Variants in MARCHF1 observed in about 807,000 individuals in gnomAD.
MARCHF1 encodes the protein E3 ubiquitin-protein ligase MARCHF1.
Under a neutral mutation model 54.2 loss-of-function variants are expected in MARCHF1, and 40 were observed. The observed-to-expected ratio is 0.74, with a 90% CI of 0.57 to 0.96. MARCHF1 has a LOEUF of 0.96. MARCHF1 is among the 40% of genes least tolerant of loss of function. The probability of loss-of-function intolerance (pLI) is 0.00; values close to 1 mark genes in which losing one functional copy is unlikely to be tolerated. For missense variants in MARCHF1, 586 were observed against 656.5 expected (o/e 0.89, Z 1.17); for synonymous variants, 236 against 236.3 (o/e 1.00, Z 0.01).
chr4:164,116,772 T>C (rs2110753765), intron 1 of MARCHF1, among the ~76,000 whole-genome samples: 2 of 152,070 alleles, frequency 1.3e-5, no homozygotes, highest in Middle Eastern at 6.8e-3. Flanking sequence ...AACAAATGTG[T>C]GTGTGTGTAT....
chr4:163,931,815 T>G (rs940350307), intron 3 of MARCHF1, among the ~76,000 whole-genome samples: 1 of 152,182 alleles, frequency 6.6e-6, no homozygotes, highest in Non-Finnish European at 1.5e-5. Context: ...AACCTCTCCC[T>G]CAGTCTACAG....
At chr4:164,241,317 C>T (rs1478965375) in intron 1 of MARCHF1, among the ~76,000 whole-genome samples, 1 of 152,180 alleles carries the variant, frequency 6.6e-6, no homozygotes, top group African/African-American at 2.4e-5. Flanking sequence ...TACCTCCAGT[C>T]CTTCCACTCA....
intron 1 of MARCHF1, among the ~76,000 whole-genome samples, chr4:164,230,144 C>A (rs1465401480): frequency 6.6e-6 from 1 of 151,996 alleles, no homozygotes; most frequent in Non-Finnish European, 1.5e-5. Context: ...GCCTGTAATC[C>A]CAGCACTTTG....
intron 4 of MARCHF1, among the ~76,000 whole-genome samples, chr4:163,789,417 G>A (rs1747710133): frequency 6.6e-6 from 1 of 151,762 alleles, no homozygotes; most frequent in Admixed American, 6.6e-5. Context: ...TTAATACCTT[G>A]GGATGAAATA....
At chr4:164,043,153 A>C (rs767602319) in intron 2 of MARCHF1, among the ~76,000 whole-genome samples, 31 of 152,156 alleles carry the variant, frequency 2.0e-4, no homozygotes, top group Admixed American at 1.3e-4. Flanking sequence ...TCAAACCTTG[A>C]GTAGACAGTG....
At chr4:163,904,791 A>C (rs7435408) in intron 3 of MARCHF1, among the ~76,000 whole-genome samples, 50 of 12,750 alleles carry the variant, frequency 3.9e-3, no homozygotes, top group Non-Finnish European at 0.013. Flanking sequence ...CAGAGAGAGA[A>C]AGAGAGAGAG....
chr4:163,866,294 T>C (rs1750045688), intron 3 of MARCHF1, among the ~76,000 whole-genome samples: 1 of 151,092 alleles, frequency 6.6e-6, no homozygotes, highest in Non-Finnish European at 1.5e-5. Flanking sequence ...CTCAGATAAA[T>C]ATATTTCTAA....
intron 4 of MARCHF1, among the ~76,000 whole-genome samples, chr4:163,799,880 C>A (rs1310979348): frequency 1.3e-5 from 2 of 152,026 alleles, no homozygotes; most frequent in African/African-American, 4.8e-5. Flanking sequence ...AACATGAAAT[C>A]AACCTAGCTG....
chr4:164,148,204 G>A (rs6822628), intron 1 of MARCHF1, among the ~76,000 whole-genome samples: 28,931 of 151,222 alleles, frequency 0.19, 4,395 homozygotes, highest in African/African-American at 0.41. Flanking sequence ...TGTAACAGAG[G>A]ACGAAAAAGA....
At chr4:163,867,800 C>A (rs574744672) in intron 3 of MARCHF1, among the ~76,000 whole-genome samples, 1 of 141,920 alleles carries the variant, frequency 7.0e-6, no homozygotes, top group South Asian at 2.3e-4. Context: ...GCTATATCAA[C>A]TTTCATCAAT....
chr4:164,189,799 T>A (rs1279681201), intron 1 of MARCHF1: 1 of 1,574,932 alleles, frequency 6.3e-7, no homozygotes, highest in Non-Finnish European at 8.7e-7. Context: ...ACAAAAGACA[T>A]TCATCTTCTG....
At chr4:163,730,725 G>A (rs1395927442) in intron 4 of MARCHF1, among the ~76,000 whole-genome samples, 1 of 152,030 alleles carries the variant, frequency 6.6e-6, no homozygotes, top group East Asian at 1.9e-4. Flanking sequence ...TGATCAGCCT[G>A]AAGAGTAAGC....
intron 4 of MARCHF1, among the ~76,000 whole-genome samples, chr4:163,742,724 C>A (rs1208836813): frequency 6.6e-6 from 1 of 152,056 alleles, no homozygotes; most frequent in African/African-American, 2.4e-5. Context: ...ATGATCCTCC[C>A]ACCCGGACCT....
At chr4:163,916,833 GAACA>G (rs1751318463) in intron 3 of MARCHF1, among the ~76,000 whole-genome samples, 1 of 152,030 alleles carries the variant, frequency 6.6e-6, no homozygotes, top group African/African-American at 2.4e-5. Flanking sequence ...TACAATTGAT[GAACA>G]AACACTGACA....
chr4:164,055,443 CAAA>C (rs55924377), intron 2 of MARCHF1, among the ~76,000 whole-genome samples: 11,686 of 138,938 alleles, frequency 0.084, 641 homozygotes, highest in East Asian at 0.21. Flanking sequence ...CACCCTGTCT[CAAA>C]AAAAAAAAAA....
intron 4 of MARCHF1, among the ~76,000 whole-genome samples, chr4:163,813,097 CA>C (rs1324371459): frequency 1.3e-5 from 2 of 152,142 alleles, no homozygotes; most frequent in Admixed American, 1.3e-4. Flanking sequence ...CATGACTGGT[CA>C]TTGGTGAATT....
intron 2 of MARCHF1, among the ~76,000 whole-genome samples, chr4:164,073,226 CA>C (rs1754906866): frequency 6.6e-6 from 1 of 152,062 alleles, no homozygotes. Flanking sequence ...TTCGCAATAG[CA>C]AAGACTTAGA....
intron 1 of MARCHF1, among the ~76,000 whole-genome samples, chr4:164,256,889 T>C (rs1560976547): frequency 1.3e-5 from 2 of 152,180 alleles, no homozygotes; most frequent in Non-Finnish European, 2.9e-5. Flanking sequence ...ATTAATTCTA[T>C]TTCCAAGAGT....
intron 1 of MARCHF1, among the ~76,000 whole-genome samples, chr4:164,276,874 T>TAC (rs1398097149): frequency 5.5e-5 from 5 of 90,450 alleles, no homozygotes; most frequent in Non-Finnish European, 1.6e-4. Context: ...ATATATTACA[T>TAC]ACATATATAT....
Sources: allele counts gnomAD v4.1 joint callset (sites outside exome capture counted in the v4.1 genomes callset), GRCh38; gene constraint gnomAD v4.1.1; transcripts MANE v1.5; gene names NCBI Gene and HGNC (gene_info 2026-07-23, HGNC 2026-07-21).